Variants in STK24 observed in about 807,000 individuals in gnomAD.
STK24 encodes serine/threonine kinase 24, also known as serine/threonine-protein kinase 24.
In STK24, 21 loss-of-function variants were observed where a neutral mutation model predicts 55.6. The observed-to-expected ratio is 0.38, with a 90% CI of 0.27 to 0.54. STK24 has a LOEUF of 0.54. Ranked by LOEUF, STK24 falls within the 20% of genes least tolerant of loss-of-function variation. The pLI is 0.79. For missense variants in STK24, 383 were observed against 538.4 expected (o/e 0.71, Z 2.86); for synonymous variants, 200 against 215.2 (o/e 0.93, Z 0.62).
chr13:98,527,458 G>A (rs565716116), intron 1 of STK24, among the ~76,000 whole-genome samples: 4 of 152,276 alleles, frequency 2.6e-5, no homozygotes, highest in South Asian at 2.1e-4. Flanking sequence ...CATGCTCCGC[G>A]GGCCACCAGT....
intron 2 of STK24, among the ~76,000 whole-genome samples, chr13:98,485,640 T>C (rs1894776112): frequency 6.6e-6 from 1 of 152,256 alleles, no homozygotes; most frequent in African/African-American, 2.4e-5. Context: ...GTTACCGCCT[T>C]TGTTTAAACT....
chr13:98,573,821 A>G (rs146300738), intron 1 of STK24, among the ~76,000 whole-genome samples: 1 of 152,334 alleles, frequency 6.6e-6, no homozygotes, highest in African/African-American at 2.4e-5. Flanking sequence ...CACCTTGGTC[A>G]GTTAAGTCTT....
chr13:98,486,867 C>G (rs530936451), intron 2 of STK24, among the ~76,000 whole-genome samples: 1 of 152,098 alleles, frequency 6.6e-6, no homozygotes, highest in Admixed American at 6.5e-5. Flanking sequence ...TCATTTAAAC[C>G]CTCTAAATTC....
At chr13:98,576,120 GA>G (rs1488950196) in intron 1 of STK24, 1 of 984,998 alleles carries the variant, frequency 1.0e-6, no homozygotes, top group African/African-American at 1.8e-5. Context: ...CCTCCTTCCA[GA>G]AGGTTTGCAA....
intron 1 of STK24, among the ~76,000 whole-genome samples, chr13:98,528,056 C>T (rs1364572505): frequency 1.3e-5 from 2 of 152,030 alleles, no homozygotes; most frequent in African/African-American, 2.4e-5. Flanking sequence ...TGGAGAGAGC[C>T]GTCTCCATCA....
In STK24 at chr13:98,451,166, C is replaced by A. The variant is rs1893171780; in HGVS notation, c.*2007G>T. On this transcript the variant is annotated 3_prime_UTR_variant, in exon 11 of 11. Transcript: ENST00000539966. The stretch of plus-strand genomic sequence containing the variant: ...TGTCCATTTGTAAATCTGAAGAACT[C>A]TGTAAATCAGAAAAGCTGCTGTCCG... 1 of 152,136 alleles carries A rather than the reference C, an allele frequency of 6.6e-6. No homozygotes were observed. The highest frequency in any genetic ancestry group is 2.1e-4 in the South Asian group (1 of 4,828). The allele number at this position is 152,136 out of a possible 1,614,324, so 9.4% of individuals were successfully genotyped here.
intron 2 of STK24, among the ~76,000 whole-genome samples, chr13:98,518,522 T>G (rs561976993): frequency 2.6e-5 from 4 of 152,360 alleles, no homozygotes; most frequent in African/African-American, 9.6e-5. Context: ...GTTACAACAT[T>G]TTTAAGTTCA....
chr13:98,528,915 G>T (rs1414211592), intron 1 of STK24, among the ~76,000 whole-genome samples: 2 of 152,152 alleles, frequency 1.3e-5, no homozygotes, highest in Non-Finnish European at 2.9e-5. Context: ...GCTGAGCCTG[G>T]AGCAGGGAAG....
intron 1 of STK24, chr13:98,522,107 G>A: frequency 7.6e-7 from 1 of 1,307,578 alleles, no homozygotes. Context: ...CCGGTCACCA[G>A]TGCTGCAATG....
At chr13:98,458,229 T>C (rs759171718) in intron 9 of STK24, among the ~76,000 whole-genome samples, 3 of 152,198 alleles carry the variant, frequency 2.0e-5, no homozygotes, top group Non-Finnish European at 2.9e-5. Flanking sequence ...AGTCTCTCTC[T>C]GGAGGCCCAA....
At chr13:98,489,048 G>A (rs1284680502) in intron 2 of STK24, among the ~76,000 whole-genome samples, 2 of 152,164 alleles carry the variant, frequency 1.3e-5, no homozygotes, top group East Asian at 3.9e-4. Flanking sequence ...ACCTTTCCGC[G>A]CAGATGACGC....
intron 9 of STK24, 80 bp from the exon 10 acceptor site, chr13:98,457,384 C>A (rs79191270): frequency 6.2e-7 from 1 of 1,600,408 alleles, no homozygotes; most frequent in East Asian, 2.2e-5. Flanking sequence ...AGGAACAACA[C>A]GGCGTGTGGA....
rs966124253 is a variant in STK24, at chr13:98,446,450, A to T, written c.*6723T>A. 6.6e-5 allele frequency: 40 copies of T among 607,700 alleles called. No individual in the cohort carries two copies. The highest frequency in any genetic ancestry group is 2.0e-4 in the African/African-American group (11 of 53,898). 37.6% of individuals were successfully genotyped at this position (607,700 alleles called of 1,614,324 possible). A position where few individuals can be genotyped will look rare whatever the true frequency, so the allele number is the denominator to read the frequency against. ...CACCTGTCTTCTGCCTGGACAAGGGACGGGGGTTGGCTTTATCTACAGCTC... is the reference window on the plus strand; with the variant it reads ...CACCTGTCTTCTGCCTGGACAAGGGTCGGGGGTTGGCTTTATCTACAGCTC... On this transcript the variant is annotated 3_prime_UTR_variant, in exon 11 of 11. Transcript: ENST00000539966.
chr13:98,572,773 T>C (rs545295864), intron 1 of STK24, among the ~76,000 whole-genome samples: 42 of 152,356 alleles, frequency 2.8e-4, no homozygotes, highest in Non-Finnish European at 5.3e-4. Context: ...TTTTCAAATA[T>C]GAAACTATGT....
rs548305291 is a variant in STK24, at chr13:98,448,333, G to T, written c.*4840C>A. ...TGTGTATTGATGGCCGGACACACTCGTTTCCGCAGTGGCTGCTTTCCTGGA... is the reference window on the plus strand; with the variant it reads ...TGTGTATTGATGGCCGGACACACTCTTTTCCGCAGTGGCTGCTTTCCTGGA... On this transcript the variant is annotated 3_prime_UTR_variant, in exon 11 of 11. Coordinates refer to ENST00000539966, the MANE Select transcript of STK24 (RefSeq NM_001032296.4). 6 of 1,582,920 alleles carry T rather than the reference G, an allele frequency of 3.8e-6. No individual in the cohort carries two copies. The highest frequency in any genetic ancestry group is 5.2e-6 in the Non-Finnish European group (6 of 1,151,516).
At chr13:98,485,046 G>C (rs775018085) in intron 2 of STK24, among the ~76,000 whole-genome samples, 2 of 152,186 alleles carry the variant, frequency 1.3e-5, no homozygotes, top group Non-Finnish European at 2.9e-5. Flanking sequence ...CAACCAGGGG[G>C]TGGGATATTG....
intron 1 of STK24, among the ~76,000 whole-genome samples, chr13:98,573,766 G>T (rs1160543651): frequency 6.6e-6 from 1 of 152,196 alleles, no homozygotes; most frequent in African/African-American, 2.4e-5. Context: ...GGAGTAGGAG[G>T]AGTAGTAGTT....
intron 10 of STK24, chr13:98,453,734 T>C (rs2139232660): frequency 6.5e-6 from 1 of 153,456 alleles, no homozygotes; most frequent in East Asian, 1.9e-4. Context: ...GAAACAACTC[T>C]GATGCCCAAC....
chr13:98,555,014 C>CAAAAAAA (rs398024117), intron 1 of STK24, among the ~76,000 whole-genome samples: 21 of 88,320 alleles, frequency 2.4e-4, no homozygotes, highest in African/African-American at 3.4e-4. Flanking sequence ...GACTCCAACT[C>CAAAAAAA]AAAAAAAAAA....
Sources: gnomAD v4.1 joint callset for allele counts (sites outside exome capture counted in the v4.1 genomes callset) on GRCh38, gnomAD v4.1.1 for gene constraint, MANE v1.5 for transcripts, NCBI Gene and HGNC (gene_info 2026-07-23, HGNC 2026-07-21) for gene names.